Variants in MCPH1 observed in about 807,000 individuals in gnomAD.
MCPH1 encodes microcephalin 1.
MCPH1 carries 104 observed loss-of-function variants against 84.5 expected under a neutral mutation model. The observed-to-expected ratio is 1.23, with a 90% CI of 1.05 to 1.45. The LOEUF (loss-of-function observed/expected upper bound fraction) is 1.45, where lower values mean the gene tolerates loss of function less well. Ranked by LOEUF, MCPH1 falls within the 40% of genes most tolerant of loss-of-function variation. The pLI, the probability that MCPH1 is intolerant of heterozygous loss-of-function variation, is 0.00. For missense variants in MCPH1, 1,498 were observed against 1,005.7 expected (o/e 1.49, Z -6.62); for synonymous variants, 514 against 366.8 (o/e 1.40, Z -4.58).
chr8:6,465,065 G>A (rs1480218338), intron 9 of MCPH1, among the ~76,000 whole-genome samples: 1 of 152,082 alleles, frequency 6.6e-6, no homozygotes, highest in Non-Finnish European at 1.5e-5. Flanking sequence ...GAGATGTGGA[G>A]GCCCAATTTA....
In MCPH1 at chr8:6,477,523, T is replaced by A. The variant is rs1586004776; in HGVS notation, c.1936-71T>A. On this transcript the variant is annotated intron_variant, in intron 9 of 13. Coordinates refer to ENST00000344683, the MANE Select transcript of MCPH1 (RefSeq NM_024596.5). ...TAACTTTTCAAAAAACTTATTACAG[T>A]TTATTTCTGTGGGAAAAATATTTTT... is the stretch of plus-strand genomic sequence containing the variant. 3 of 1,408,444 alleles carry A rather than the reference T, an allele frequency of 2.1e-6. No homozygotes were observed. The East Asian group carries it at 6.9e-5, about 32-fold the overall frequency. The allele number at this position is 1,408,444 out of a possible 1,614,324, so 87.2% of individuals were successfully genotyped here.
At position 6,485,126 on chromosome 8, in the gene MCPH1, A is replaced by C. The variant is rs1426242298; in HGVS notation, c.2136+4250A>C. On this transcript the variant is annotated intron_variant, in intron 11 of 13. Transcript: ENST00000344683. ...TGGATCACGAGGTCAGCAGTTCAAG[A>C]CCAGCCTGGCCAAGATGGTGAAACT... Among the ~76,000 whole-genome samples, 3 of 150,624 alleles carry C rather than the reference A, an allele frequency of 2.0e-5. No individual in the cohort carries two copies. In the East Asian group the frequency reaches 5.9e-4, roughly 30 times the overall value.
At chr8:6,431,664 C>A in intron 4 of MCPH1, 78 bp downstream of exon 4, 1 of 979,844 alleles carries the variant, frequency 1.0e-6, no homozygotes, top group Non-Finnish European at 1.6e-6. Context: ...GAAAATAAAA[C>A]TTCTAGAAAT....
rs931589083 is a variant in MCPH1 at position 6,479,063 on chromosome 8, A to T, written c.1973+1432A>T. ...ACATATTGTTTGAGCCTAGGAGTTC[A>T]AGACCAGCCTGGGCAACATAGCAAA... On this transcript the variant is annotated intron_variant, in intron 10 of 13. Transcript: ENST00000344683. 3.5e-4 allele frequency among the ~76,000 whole-genome samples: 54 copies of T among 152,328 alleles called. 1 individual carries two copies. Among genetic ancestry groups the T allele is most frequent in the African/African-American group, 1.2e-3 (51 of 41,582 alleles).
intron 13 of MCPH1, chr8:6,625,154 C>T (rs1421243086): frequency 3.1e-5 from 30 of 982,002 alleles, no homozygotes; most frequent in Middle Eastern, 5.2e-4. Context: ...GGATTACAGG[C>T]GTGAGCCACC....
intron 13 of MCPH1, among the ~76,000 whole-genome samples, chr8:6,636,321 C>G (rs1018234694): frequency 9.7e-4 from 133 of 137,392 alleles, no homozygotes; most frequent in African/African-American, 3.5e-3. Flanking sequence ...GCCTGTGTGA[C>G]AGAGAGACTG....
chr8:6,500,064 C>T, intron 12 of MCPH1, 135 bp downstream of exon 12: 4 of 743,498 alleles, frequency 5.4e-6, no homozygotes, highest in Non-Finnish European at 9.5e-6. Flanking sequence ...ATTCACAGAA[C>T]TTAACACCTT....
intron 9 of MCPH1, among the ~76,000 whole-genome samples, chr8:6,476,812 A>T (rs1001867364): frequency 1.3e-5 from 2 of 152,232 alleles, no homozygotes; most frequent in African/African-American, 4.8e-5. Context: ...TGTAAATTAC[A>T]AAAGTATATG....
chr8:6,598,126 C>G (rs530175272), intron 12 of MCPH1, among the ~76,000 whole-genome samples: 11 of 152,298 alleles, frequency 7.2e-5, no homozygotes, highest in South Asian at 2.1e-4. Flanking sequence ...GAAATTAGCT[C>G]TGAGGCAGGA....
intron 12 of MCPH1, chr8:6,621,211 C>T: frequency 2.0e-6 from 1 of 502,864 alleles, no homozygotes; most frequent in East Asian, 3.6e-5. Context: ...AAGGCCTACA[C>T]TTTTTTTTTT....
chr8:6,509,908 C>T (rs770318690), intron 12 of MCPH1, among the ~76,000 whole-genome samples: 12 of 152,268 alleles, frequency 7.9e-5, no homozygotes, highest in Admixed American at 2.0e-4. Context: ...ACCTGTGGCT[C>T]GCTGCCGCTG....
chr8:6,641,331 G>A (rs764928447), intron 13 of MCPH1, among the ~76,000 whole-genome samples: 1 of 152,184 alleles, frequency 6.6e-6, no homozygotes, highest in Non-Finnish European at 1.5e-5. Flanking sequence ...TTTAAACCCT[G>A]AGTATCGGAA....
chr8:6,611,780 G>A (rs746203621), intron 12 of MCPH1, among the ~76,000 whole-genome samples: 22 of 152,148 alleles, frequency 1.4e-4, no homozygotes, highest in African/African-American at 3.9e-4. Context: ...CACCACGCCC[G>A]GCTAATTTTT....
At chr8:6,568,234 C>CCCATCGCTAGCTGAATGTGGAAT (rs1826365133) in intron 12 of MCPH1, among the ~76,000 whole-genome samples, 1 of 140,034 alleles carries the variant, frequency 7.1e-6, no homozygotes, top group African/African-American at 3.1e-5. Flanking sequence ...GTGGGTGGCG[C>CCCATCGCTAGCTGAATGTGGAAT]GTGGACCCAT....
chr8:6,454,939 A>G (rs563798878), intron 8 of MCPH1, among the ~76,000 whole-genome samples: 1 of 152,354 alleles, frequency 6.6e-6, no homozygotes, highest in African/African-American at 2.4e-5. Context: ...GTTACCGACC[A>G]TTGAATTAAG....
intron 13 of MCPH1, among the ~76,000 whole-genome samples, chr8:6,624,108 G>A (rs184734008): frequency 1.4e-3 from 207 of 152,328 alleles, no homozygotes; most frequent in African/African-American, 4.7e-3. Context: ...CACTTCCTCC[G>A]GTTGTTTTGC....
intron 6 of MCPH1, 57 bp downstream of exon 6, chr8:6,439,153 G>A: frequency 6.5e-7 from 1 of 1,537,184 alleles, no homozygotes; most frequent in Non-Finnish European, 8.9e-7. Flanking sequence ...AATTATGGTG[G>A]AAAGCTTCTT....
intron 12 of MCPH1, among the ~76,000 whole-genome samples, chr8:6,600,212 A>C (rs1165191216): frequency 6.6e-6 from 1 of 152,246 alleles, no homozygotes; most frequent in Non-Finnish European, 1.5e-5. Flanking sequence ...CATCCTGGCA[A>C]GAGTGCGGTA....
intron 12 of MCPH1, among the ~76,000 whole-genome samples, chr8:6,540,048 A>T (rs934993403): frequency 6.6e-6 from 1 of 152,190 alleles, no homozygotes; most frequent in Non-Finnish European, 1.5e-5. Context: ...GCATTCTAAC[A>T]TTAATAGTCC....
Sources: allele counts gnomAD v4.1 joint callset (sites outside exome capture counted in the v4.1 genomes callset), GRCh38; gene constraint gnomAD v4.1.1; transcripts MANE v1.5; gene names NCBI Gene and HGNC (gene_info 2026-07-23, HGNC 2026-07-21).